HEMK2: variants seen among roughly 807,000 people sequenced by gnomAD.
The protein encoded by HEMK2 is HemK methyltransferase 2, ETF1 glutamine and histone H4 lysine.
the HEMK2 span, among the ~76,000 whole-genome samples, chr21:28,602,930 T>C: frequency 6.6e-6 from 1 of 152,232 alleles, no homozygotes; most frequent in Admixed American, 6.5e-5. Flanking sequence ...TTGCCATTTC[T>C]GTACTTTGCT....
the HEMK2 span, among the ~76,000 whole-genome samples, chr21:28,721,843 G>A: frequency 2.0e-5 from 3 of 149,422 alleles, no homozygotes; most frequent in Admixed American, 2.0e-4. Flanking sequence ...TTTGCCCCAG[G>A]TCACACTAGA....
At chr21:28,621,773 T>C in the HEMK2 span, among the ~76,000 whole-genome samples, 4 of 152,176 alleles carry the variant, frequency 2.6e-5, no homozygotes, top group Non-Finnish European at 4.4e-5. Flanking sequence ...TAAATCACAA[T>C]GGTGGAATGT....
At chr21:28,676,931 C>A in the HEMK2 span, among the ~76,000 whole-genome samples, 1 of 152,078 alleles carries the variant, frequency 6.6e-6, no homozygotes, top group South Asian at 2.1e-4. Flanking sequence ...GCCAAGATGG[C>A]CGAATAGGAA....
chr21:28,719,460 C>T, the HEMK2 span, among the ~76,000 whole-genome samples: 1 of 152,184 alleles, frequency 6.6e-6, no homozygotes, highest in Non-Finnish European at 1.5e-5. Context: ...CTCACTCTTG[C>T]CTGCCACCAT....
chr21:28,841,136 TA>T, the HEMK2 span, among the ~76,000 whole-genome samples: 7 of 28,576 alleles, frequency 2.4e-4, 1 homozygote, highest in Non-Finnish European at 3.9e-4. Context: ...ATATAATATA[TA>T]ATTTATATAA....
the HEMK2 span, among the ~76,000 whole-genome samples, chr21:28,643,798 T>G: frequency 6.6e-6 from 1 of 152,344 alleles, no homozygotes; most frequent in Admixed American, 6.5e-5. Context: ...TCTAGCAGCC[T>G]GAATAGACTA....
the HEMK2 span, among the ~76,000 whole-genome samples, chr21:28,879,499 C>G: frequency 6.6e-6 from 1 of 152,188 alleles, no homozygotes; most frequent in East Asian, 1.9e-4. Flanking sequence ...CCTCGGCCTC[C>G]CAAAGTACAG....
the HEMK2 span, among the ~76,000 whole-genome samples, chr21:28,711,101 T>C: frequency 3.3e-5 from 5 of 152,128 alleles, no homozygotes; most frequent in Non-Finnish European, 4.4e-5. Flanking sequence ...TATTAAAATA[T>C]ATTAGCTAGA....
the HEMK2 span, among the ~76,000 whole-genome samples, chr21:28,691,561 A>G: frequency 3.3e-5 from 5 of 152,068 alleles, no homozygotes; most frequent in South Asian, 2.1e-4. Flanking sequence ...TCTTATACAT[A>G]TACTGCCCCC....
chr21:28,816,262 G>T, the HEMK2 span, among the ~76,000 whole-genome samples: 1 of 119,158 alleles, frequency 8.4e-6, no homozygotes. Flanking sequence ...GAAGTCATGA[G>T]AATATTAACT....
the HEMK2 span, among the ~76,000 whole-genome samples, chr21:28,610,698 GA>G: frequency 6.6e-6 from 1 of 151,902 alleles, no homozygotes; most frequent in Non-Finnish European, 1.5e-5. Context: ...TAAAGATATA[GA>G]AAAAAATATG....
the HEMK2 span, among the ~76,000 whole-genome samples, chr21:28,730,393 C>CAGAG: frequency 9.7e-6 from 1 of 103,052 alleles, no homozygotes; most frequent in African/African-American, 6.3e-5. Flanking sequence ...GACACACACA[C>CAGAG]ACACACACAC....
chr21:28,655,974 A>T, the HEMK2 span, among the ~76,000 whole-genome samples: 1 of 152,076 alleles, frequency 6.6e-6, no homozygotes, highest in African/African-American at 2.4e-5. Flanking sequence ...CCCCAAACCA[A>T]AATGTAAAAT....
At chr21:28,742,221 G>C in the HEMK2 span, among the ~76,000 whole-genome samples, 1 of 152,166 alleles carries the variant, frequency 6.6e-6, no homozygotes, top group Non-Finnish European at 1.5e-5. Flanking sequence ...GGATGGATCT[G>C]TACAGAAGAA....
At chr21:28,806,900 G>A in the HEMK2 span, among the ~76,000 whole-genome samples, 4 of 152,192 alleles carry the variant, frequency 2.6e-5, no homozygotes, top group South Asian at 8.3e-4. Flanking sequence ...CCATAACTGT[G>A]AGACTAAATT....
the HEMK2 span, among the ~76,000 whole-genome samples, chr21:28,813,848 G>A: frequency 1.3e-5 from 2 of 152,108 alleles, no homozygotes; most frequent in Non-Finnish European, 2.9e-5. Context: ...ATTTAACAAA[G>A]GGTGTTCAGA....
the HEMK2 span, among the ~76,000 whole-genome samples, chr21:28,695,410 G>C: frequency 2.6e-5 from 4 of 152,076 alleles, no homozygotes; most frequent in Non-Finnish European, 5.9e-5. Context: ...ACCCAAGACT[G>C]GGTAATTTAT....
chr21:28,695,464 G>A, the HEMK2 span, among the ~76,000 whole-genome samples: 1 of 152,218 alleles, frequency 6.6e-6, no homozygotes, highest in South Asian at 2.1e-4. Context: ...TAGCTAGGGA[G>A]GCCTCACAAT....
the HEMK2 span, among the ~76,000 whole-genome samples, chr21:28,642,296 C>T: frequency 6.6e-6 from 1 of 152,162 alleles, no homozygotes; most frequent in Non-Finnish European, 1.5e-5. Flanking sequence ...TCCCTTGACC[C>T]CCTTCATGGG....
Sources: allele counts gnomAD v4.1 joint callset (sites outside exome capture counted in the v4.1 genomes callset), GRCh38; gene constraint gnomAD v4.1.1; transcripts MANE v1.5; gene names NCBI Gene and HGNC (gene_info 2026-07-23, HGNC 2026-07-21).